MAS1: variants seen among roughly 807,000 people sequenced by gnomAD.
MAS1 encodes MAS1 proto-oncogene, G protein-coupled receptor.
For missense variants in MAS1, 387 were observed against 409.7 expected (o/e 0.94, Z 0.48); for synonymous variants, 163 against 164.2 (o/e 0.99, Z 0.05).
rs547990146 is a variant in MAS1, at chr6:159,892,367, G to A, written c.-244+1234G>A. On this transcript the variant is annotated intron_variant, in intron 1 of 2. Transcript: ENST00000674077. ...AGCCTAGGGTCAGGCTGTCTTTTAA[G>A]TTGCCTGGGAACAACAGGCGCTTTC... is the stretch of plus-strand genomic sequence containing the variant. 3.9e-5 allele frequency among the ~76,000 whole-genome samples: 6 copies of A among 152,232 alleles called. No homozygotes were observed. In the South Asian group the frequency reaches 1.0e-3, roughly 26 times the overall value.
chr6:159,906,821 A>T, intron 2 of MAS1, 99 bp from the exon 3 acceptor site: 1 of 952,986 alleles, frequency 1.0e-6, no homozygotes, highest in East Asian at 2.6e-5. Context: ...TTTTTTAATA[A>T]CATGAAGATT....
At chr6:159,901,259 T>C (rs1583212761) in intron 2 of MAS1, among the ~76,000 whole-genome samples, 1 of 152,182 alleles carries the variant, frequency 6.6e-6, no homozygotes, top group East Asian at 1.9e-4. Context: ...GATTAGGACT[T>C]CAACATATGA....
chr6:159,905,325 G>A (rs1562311633), intron 2 of MAS1, among the ~76,000 whole-genome samples: 1 of 152,196 alleles, frequency 6.6e-6, no homozygotes, highest in East Asian at 1.9e-4. Context: ...GCATGACAGG[G>A]CATGCGAGCT....
chr6:159,895,905 T>G (rs1782749366), intron 1 of MAS1, among the ~76,000 whole-genome samples: 1 of 152,252 alleles, frequency 6.6e-6, no homozygotes, highest in Admixed American at 6.5e-5. Context: ...TAATTAGAGA[T>G]GTGCACAAAA....
In MAS1 at chr6:159,911,196, C is replaced by A. The variant is rs1782960046; in HGVS notation, c.*3263C>A. 1 of 152,260 alleles carries A rather than the reference C, an allele frequency of 6.6e-6. No homozygotes were observed. The highest frequency in any genetic ancestry group is 2.1e-4 in the South Asian group (1 of 4,830). 9.4% of individuals were successfully genotyped at this position (152,260 alleles called of 1,614,324 possible). A position where few individuals can be genotyped will look rare whatever the true frequency, so the allele number is the denominator to read the frequency against. Reference sequence around the variant, plus strand: ...TTAATGAACCTCAAATAGACATTTGCTGACCAGAACCCTTTGCTGGGCTCC... The same window carrying A: ...TTAATGAACCTCAAATAGACATTTGATGACCAGAACCCTTTGCTGGGCTCC... On this transcript the variant is annotated 3_prime_UTR_variant, in exon 3 of 3. Coordinates refer to ENST00000674077, the MANE Select transcript of MAS1 (RefSeq NM_002377.4).
chr6:159,893,316 T>C (rs961447355), intron 1 of MAS1, among the ~76,000 whole-genome samples: 38 of 152,138 alleles, frequency 2.5e-4, no homozygotes, highest in African/African-American at 8.2e-4. Flanking sequence ...GGGCAGGATA[T>C]CTGCATGGGG....
At chr6:159,904,692 T>C (rs1782864144) in intron 2 of MAS1, among the ~76,000 whole-genome samples, 3 of 152,090 alleles carry the variant, frequency 2.0e-5, no homozygotes, top group Admixed American at 2.0e-4. Context: ...GTTAACCACA[T>C]TCCTCCTCTC....
chr6:159,914,651 C>T lies in MAS1; in HGVS notation c.*6718C>T, dbSNP rs113677407. The T allele has an allele frequency of 7.5e-4, 115 of 152,398 alleles. No individual in the cohort carries two copies. Among genetic ancestry groups the T allele is most frequent in the African/African-American group, 2.4e-3 (101 of 41,562 alleles). The allele number at this position is 152,398 out of a possible 1,614,324, so 9.4% of individuals were successfully genotyped here. A position where few individuals can be genotyped will look rare whatever the true frequency, so the allele number is the denominator to read the frequency against. ...TCCCTGTGGATTGTGCCAGCCAGTC[C>T]CTTCACCATGGTGTCCCCACTGATC... On this transcript the variant is annotated 3_prime_UTR_variant, in exon 3 of 3. Coordinates refer to ENST00000674077, the MANE Select transcript of MAS1 (RefSeq NM_002377.4).
At chr6:159,899,528 C>G (rs1782798538) in intron 2 of MAS1, 136 bp downstream of exon 2, 1 of 151,470 alleles carries the variant, frequency 6.6e-6, no homozygotes, top group Admixed American at 6.6e-5. Flanking sequence ...GAGTTTGAGA[C>G]CAGCCTAGGC....
intron 1 of MAS1, among the ~76,000 whole-genome samples, chr6:159,891,368 T>C (rs1043844709): frequency 6.6e-6 from 1 of 152,260 alleles, no homozygotes; most frequent in African/African-American, 2.4e-5. Context: ...TTCCCAGACA[T>C]TGTTTTTCAA....
chr6:159,903,401 T>A (rs1290367011), intron 2 of MAS1, among the ~76,000 whole-genome samples: 1 of 152,150 alleles, frequency 6.6e-6, no homozygotes, highest in Non-Finnish European at 1.5e-5. Context: ...GAAGCACAGG[T>A]GAGGCTGAGT....
At chr6:159,902,709 C>T (rs1236331026) in intron 2 of MAS1, among the ~76,000 whole-genome samples, 2 of 152,066 alleles carry the variant, frequency 1.3e-5, no homozygotes, top group Non-Finnish European at 2.9e-5. Flanking sequence ...TCCTCTCTCT[C>T]CAACACCAGC....
Position 159,907,129 on chromosome 6 carries a change from C to T in MAS1, c.174C>T (p.Cys58=). 6.2e-7 allele frequency: 1 copy of T among 1,614,198 alleles called. No homozygotes were observed. Among genetic ancestry groups the T allele is most frequent in the Non-Finnish European group, 8.5e-7 (1 of 1,180,020 alleles). The change falls in exon 3 of 3, where the codon TGC becomes TGT. Residue 58 remains cysteine, a synonymous_variant. Coordinates refer to ENST00000674077, the MANE Select transcript of MAS1 (RefSeq NM_002377.4). The stretch of plus-strand genomic sequence containing the variant: ...ATGGGATTCTCCTCTGGTTCCTGTG[C>T]TTCCGGATGAGAAGAAATCCCTTCA... ...VENGILLWFL[C]FRMRRNPFTV... is the part of the protein sequence containing the mutation.
At chr6:159,889,125 C>G (rs1782670129), upstream of MAS1, among the ~76,000 whole-genome samples, 1 of 152,212 alleles carries the variant, frequency 6.6e-6, no homozygotes, top group Non-Finnish European at 1.5e-5. Flanking sequence ...GACTCTCTCC[C>G]TACCTAGAAG....
chr6:159,889,529 T>C (rs1249185162), upstream of MAS1, among the ~76,000 whole-genome samples: 1 of 152,196 alleles, frequency 6.6e-6, no homozygotes, highest in Non-Finnish European at 1.5e-5. Flanking sequence ...CCTCTTATTT[T>C]TCCCTAATCA....
At position 159,907,136 on chromosome 6, in the gene MAS1, A is replaced by T. The variant is rs1201909483; in HGVS notation, c.181A>T (p.Met61Leu). 6.8e-6 allele frequency: 11 copies of T among 1,614,076 alleles called. 1 individual carries two copies. Among genetic ancestry groups the T allele is most frequent in the Middle Eastern group, 3.3e-4 (2 of 6,084 alleles). ...GILLWFLCFR[M>L]RRNPFTVYIT... is the part of the protein sequence containing the mutation. ...TCTCCTCTGGTTCCTGTGCTTCCGG[A>T]TGAGAAGAAATCCCTTCACTGTCTA... The change falls in exon 3 of 3, where the codon ATG (methionine) becomes TTG (leucine). Residue 61 changes from methionine (M) to leucine (L), a missense_variant. Physicochemically the swap from Met to Leu is conservative, Grantham distance 15. Transcript: ENST00000674077.
Position 159,900,271 on chromosome 6 carries a change from T to C in MAS1, c.-37+879T>C, listed in dbSNP as rs1248442496. Among the ~76,000 whole-genome samples, 4 of 152,144 alleles carry C rather than the reference T, an allele frequency of 2.6e-5. No homozygotes were observed. The South Asian group carries it at 8.3e-4, about 32-fold the overall frequency. On this transcript the variant is annotated intron_variant, in intron 2 of 2. Coordinates refer to ENST00000674077, the MANE Select transcript of MAS1 (RefSeq NM_002377.4). ...ACTAAATTATTCTGAGCTAGACTGT[T>C]TTGTCAGCTAGCAGCAATTACCCTT...
intron 1 of MAS1, among the ~76,000 whole-genome samples, chr6:159,895,432 G>A (rs552982133): frequency 2.6e-5 from 4 of 152,220 alleles, no homozygotes; most frequent in East Asian, 1.9e-4. Flanking sequence ...ACTCCAAGCC[G>A]CATCCTTTCA....
chr6:159,894,525 G>A (rs1227717620), intron 1 of MAS1, among the ~76,000 whole-genome samples: 1 of 152,018 alleles, frequency 6.6e-6, no homozygotes, highest in Non-Finnish European at 1.5e-5. Context: ...CTGCAGGAAA[G>A]CAGGAGGAGA....
Sources: allele counts gnomAD v4.1 joint callset (sites outside exome capture counted in the v4.1 genomes callset), GRCh38; gene constraint gnomAD v4.1.1; transcripts MANE v1.5; gene names NCBI Gene and HGNC (gene_info 2026-07-23, HGNC 2026-07-21).